The following SMIM10L3 variants were observed in gnomAD, a reference collection of about 807,000 sequenced individuals.
SMIM10L3 encodes the protein small integral membrane protein 10 like 3.
chr7:6,341,019 C>G, the SMIM10L3 span, among the ~76,000 whole-genome samples: 1 of 146,636 alleles, frequency 6.8e-6, no homozygotes, highest in Non-Finnish European at 1.5e-5. Context: ...TGGTGGGAAC[C>G]TACAGTCCCA....
At chr7:6,331,251 A>T in the SMIM10L3 span, 1 of 1,265,610 alleles carries the variant, frequency 7.9e-7, no homozygotes, top group African/African-American at 1.5e-5. Flanking sequence ...AAAGGGAATC[A>T]AATTAAAGTT....
the SMIM10L3 span, chr7:6,348,806 G>T: frequency 2.5e-6 from 1 of 395,844 alleles, no homozygotes. Flanking sequence ...TCTCCGCGCC[G>T]CGTCGCCCCG....
At chr7:6,348,666 C>A in the SMIM10L3 span, 5 of 508,324 alleles carry the variant, frequency 9.8e-6, no homozygotes, top group Admixed American at 9.1e-5. Context: ...AGATGAGCAG[C>A]GTGCGAGTCA....
At chr7:6,332,975 A>G in the SMIM10L3 span, among the ~76,000 whole-genome samples, 3 of 152,048 alleles carry the variant, frequency 2.0e-5, no homozygotes, top group Non-Finnish European at 4.4e-5. Context: ...CATGGTCAAC[A>G]TGGTGAAACC....
the SMIM10L3 span, among the ~76,000 whole-genome samples, chr7:6,346,720 G>A: frequency 2.0e-5 from 3 of 152,200 alleles, no homozygotes; most frequent in East Asian, 3.9e-4. Context: ...CCGGTGTTAG[G>A]TTTCATGTTA....
the SMIM10L3 span, chr7:6,331,161 T>A: frequency 6.2e-7 from 1 of 1,606,482 alleles, no homozygotes; most frequent in Admixed American, 1.7e-5. Context: ...TCATGCTTCG[T>A]GTTCTTGGAT....
At chr7:6,344,383 T>C in the SMIM10L3 span, among the ~76,000 whole-genome samples, 15 of 152,198 alleles carry the variant, frequency 9.9e-5, no homozygotes, top group Non-Finnish European at 1.9e-4. Flanking sequence ...GTGACATGGC[T>C]GCTTGTTGCA....
At chr7:6,334,952 G>A in the SMIM10L3 span, among the ~76,000 whole-genome samples, 2 of 150,712 alleles carry the variant, frequency 1.3e-5, no homozygotes, top group African/African-American at 4.9e-5. Flanking sequence ...ATTTTTAATA[G>A]AGACGGGTTT....
chr7:6,331,036 G>T, the SMIM10L3 span: 4 of 1,614,018 alleles, frequency 2.5e-6, no homozygotes, highest in Non-Finnish European at 3.4e-6. Flanking sequence ...TGCATCTGCA[G>T]GCCAAGGGCC....
At chr7:6,337,843 A>G in the SMIM10L3 span, among the ~76,000 whole-genome samples, 754 of 151,392 alleles carry the variant, frequency 5.0e-3, 5 homozygotes, top group Non-Finnish European at 8.9e-3. Flanking sequence ...TTGCTCTGTC[A>G]CCCAGGCTGG....
At chr7:6,338,702 C>T in the SMIM10L3 span, 1 of 152,444 alleles carries the variant, frequency 6.6e-6, no homozygotes, top group African/African-American at 2.4e-5. Context: ...ATGGCCTGAC[C>T]TACTTAGCTG....
chr7:6,331,165 C>G, the SMIM10L3 span: 1 of 1,605,496 alleles, frequency 6.2e-7, no homozygotes, highest in African/African-American at 1.3e-5. Context: ...GCTTCGTGTT[C>G]TTGGATGCGG....
chr7:6,333,132 G>A, the SMIM10L3 span, among the ~76,000 whole-genome samples: 3 of 150,866 alleles, frequency 2.0e-5, no homozygotes, highest in Non-Finnish European at 4.4e-5. Flanking sequence ...ACTCCAGCCT[G>A]GCGACAGAGC....
At chr7:6,337,422 AGT>A in the SMIM10L3 span, among the ~76,000 whole-genome samples, 7 of 151,878 alleles carry the variant, frequency 4.6e-5, no homozygotes, top group African/African-American at 1.7e-4. Context: ...GCGCCCGCCC[AGT>A]ATTTTAATTC....
chr7:6,333,959 G>T, the SMIM10L3 span, among the ~76,000 whole-genome samples: 1 of 148,112 alleles, frequency 6.8e-6, no homozygotes, highest in Non-Finnish European at 1.5e-5. Flanking sequence ...CCATTCTCCT[G>T]CCTCAGCCTC....
At chr7:6,347,554 G>A in the SMIM10L3 span, among the ~76,000 whole-genome samples, 2 of 151,830 alleles carry the variant, frequency 1.3e-5, no homozygotes, top group African/African-American at 4.8e-5. Context: ...TTACAGCAAA[G>A]GCGGTCTCCA....
chr7:6,331,695 C>T, the SMIM10L3 span, among the ~76,000 whole-genome samples: 3 of 149,794 alleles, frequency 2.0e-5, no homozygotes, highest in South Asian at 2.1e-4. Flanking sequence ...GAGAACATTT[C>T]GTGGGCTTAG....
chr7:6,341,154 AT>A, the SMIM10L3 span, among the ~76,000 whole-genome samples: 1 of 143,182 alleles, frequency 7.0e-6, no homozygotes. Context: ...AAAAAAAAAA[AT>A]GAGTGCTGGC....
At chr7:6,334,769 A>ATAGT in the SMIM10L3 span, among the ~76,000 whole-genome samples, 2 of 146,744 alleles carry the variant, frequency 1.4e-5, no homozygotes, top group Non-Finnish European at 1.5e-5. Context: ...CCCAGCCTGG[A>ATAGT]TAGTTAGTTA....
Sources: allele counts gnomAD v4.1 joint callset (sites outside exome capture counted in the v4.1 genomes callset), GRCh38; gene constraint gnomAD v4.1.1; transcripts MANE v1.5; gene names NCBI Gene and HGNC (gene_info 2026-07-23, HGNC 2026-07-21).